Variants in SORCS3 observed in about 807,000 individuals in gnomAD.
The protein encoded by SORCS3 is VPS10 domain-containing receptor SorCS3.
In SORCS3, 57 loss-of-function variants were observed where a neutral mutation model predicts 146.3. That is an observed-to-expected ratio of 0.39 (90% CI 0.31 to 0.49). The LOEUF (loss-of-function observed/expected upper bound fraction) is 0.49. Among genes scored for constraint, SORCS3 ranks in the 20% least tolerant of loss-of-function variants. The pLI, the probability that SORCS3 is intolerant of heterozygous loss-of-function variation, is 0.92. For synonymous variants in SORCS3, 653 were observed against 618.5 expected (o/e 1.06, Z -0.83); for missense variants, 1,341 against 1,575.5 (o/e 0.85, Z 2.52).
At chr10:105,048,358 A>G (rs1260065996) in intron 5 of SORCS3, among the ~76,000 whole-genome samples, 1 of 150,832 alleles carries the variant, frequency 6.6e-6, no homozygotes, top group Non-Finnish European at 1.5e-5. Context: ...GCAGCCATAA[A>G]AAATGATGAA....
chr10:105,124,198 C>T (rs1022931733), intron 7 of SORCS3, among the ~76,000 whole-genome samples: 3 of 152,124 alleles, frequency 2.0e-5, no homozygotes, highest in Non-Finnish European at 2.9e-5. Flanking sequence ...GCTCCACAGC[C>T]CAAGCTGCTG....
At chr10:104,856,149 C>T (rs1320481843) in intron 2 of SORCS3, among the ~76,000 whole-genome samples, 1 of 152,116 alleles carries the variant, frequency 6.6e-6, no homozygotes, top group Non-Finnish European at 1.5e-5. Context: ...TGGCTCTACT[C>T]AGACCCTGTA....
chr10:105,113,478 G>A (rs922905658), intron 7 of SORCS3, among the ~76,000 whole-genome samples: 1 of 151,838 alleles, frequency 6.6e-6, no homozygotes, highest in African/African-American at 2.4e-5. Context: ...CCCTCTCCTG[G>A]TTGCCCCTAT....
intron 23 of SORCS3, among the ~76,000 whole-genome samples, chr10:105,253,451 G>C (rs974675300): frequency 6.6e-6 from 1 of 152,164 alleles, no homozygotes; most frequent in Non-Finnish European, 1.5e-5. Context: ...GTGATTTACT[G>C]TTCTTATCAA....
At chr10:104,978,320 C>T (rs2054913016) in intron 4 of SORCS3, among the ~76,000 whole-genome samples, 1 of 152,090 alleles carries the variant, frequency 6.6e-6, no homozygotes, top group South Asian at 2.1e-4. Context: ...CAAACAAAGT[C>T]CATTTTGTTA....
At chr10:104,887,985 A>C (rs2018708598) in intron 2 of SORCS3, among the ~76,000 whole-genome samples, 1 of 148,554 alleles carries the variant, frequency 6.7e-6, no homozygotes, top group East Asian at 2.0e-4. Flanking sequence ...GAGCAAGCCC[A>C]TGAAGACAGC....
intron 5 of SORCS3, among the ~76,000 whole-genome samples, chr10:105,065,470 C>A (rs137964823): frequency 6.6e-6 from 1 of 151,858 alleles, no homozygotes; most frequent in Non-Finnish European, 1.5e-5. Flanking sequence ...CTGCACACGA[C>A]GACCTCTGAG....
At chr10:104,909,311 G>A (rs2018941876) in intron 2 of SORCS3, among the ~76,000 whole-genome samples, 1 of 152,170 alleles carries the variant, frequency 6.6e-6, no homozygotes, top group Admixed American at 6.5e-5. Flanking sequence ...GCAAAGCACA[G>A]TGTGCCTAGC....
intron 3 of SORCS3, among the ~76,000 whole-genome samples, chr10:104,917,299 C>T (rs774644233): frequency 4.6e-5 from 7 of 152,098 alleles, no homozygotes; most frequent in Admixed American, 6.5e-5. Context: ...GATTTTAGAG[C>T]TAGAAGAAAG....
intron 1 of SORCS3, among the ~76,000 whole-genome samples, chr10:104,789,347 GA>G (rs933267230): frequency 3.3e-5 from 5 of 152,218 alleles, no homozygotes; most frequent in Non-Finnish European, 5.9e-5. Flanking sequence ...TCTATGGGAG[GA>G]AAATTGACCG....
At position 105,105,378 on chromosome 10, in the gene SORCS3, C is replaced by T. The variant is rs199748890; in HGVS notation, c.1094-19C>T. On this transcript the variant is annotated intron_variant, in intron 6 of 26. Transcript: ENST00000369701. Reference sequence around the variant, plus strand: ...GATTTTCACTTGTATCTAAGCATCACTCTACCCTCCTGTTTCAGATGCTCA... The same window carrying T: ...GATTTTCACTTGTATCTAAGCATCATTCTACCCTCCTGTTTCAGATGCTCA... The T allele has an allele frequency of 1.2e-5, 19 of 1,551,408 alleles. No individual in the cohort carries two copies. The highest frequency in any genetic ancestry group is 1.7e-4 in the Middle Eastern group (1 of 5,962).
At chr10:105,164,814 G>A (rs535959810) in intron 12 of SORCS3, among the ~76,000 whole-genome samples, 1 of 152,314 alleles carries the variant, frequency 6.6e-6, no homozygotes, top group East Asian at 1.9e-4. Context: ...GAAGTCAGTG[G>A]TTGTTTAAGT....
chr10:105,003,602 A>G (rs2055074438), intron 4 of SORCS3, among the ~76,000 whole-genome samples: 1 of 152,246 alleles, frequency 6.6e-6, no homozygotes. Context: ...ATAAATATGC[A>G]GAGCAAGGTG....
chr10:105,098,665 TC>T (rs1485277182), intron 6 of SORCS3, among the ~76,000 whole-genome samples: 26 of 152,276 alleles, frequency 1.7e-4, no homozygotes, highest in African/African-American at 5.8e-4. Context: ...TAATTGTAAC[TC>T]CCTGGGTTGT....
intron 1 of SORCS3, among the ~76,000 whole-genome samples, chr10:104,721,719 A>G (rs1415362861): frequency 1.3e-5 from 2 of 151,816 alleles, no homozygotes; most frequent in African/African-American, 4.8e-5. Flanking sequence ...ATTCCTAGGT[A>G]TTTTATCCTC....
At chr10:105,242,434 A>ATTTG (rs1289775906) in intron 20 of SORCS3, among the ~76,000 whole-genome samples, 1 of 52,052 alleles carries the variant, frequency 1.9e-5, no homozygotes, top group Non-Finnish European at 3.6e-5. Context: ...ATATTTATAC[A>ATTTG]TATATTTATA....
chr10:105,118,005 A>T (rs1034876034), intron 7 of SORCS3, among the ~76,000 whole-genome samples: 1 of 151,468 alleles, frequency 6.6e-6, no homozygotes, highest in African/African-American at 2.4e-5. Context: ...TCCTCTGCCC[A>T]CTCTTTAAAT....
intron 2 of SORCS3, among the ~76,000 whole-genome samples, chr10:104,844,313 A>AT (rs2018180092): frequency 6.6e-6 from 1 of 152,138 alleles, no homozygotes; most frequent in African/African-American, 2.4e-5. Flanking sequence ...TTTAAGCCTC[A>AT]TTCCTGTGGT....
chr10:104,826,637 G>T (rs1472113545), intron 1 of SORCS3, among the ~76,000 whole-genome samples: 2 of 152,108 alleles, frequency 1.3e-5, no homozygotes, highest in African/African-American at 2.4e-5. Flanking sequence ...GCTGGTAGAG[G>T]GTCTTGCCTC....
Sources: gnomAD v4.1 joint callset for allele counts (sites outside exome capture counted in the v4.1 genomes callset) on GRCh38, gnomAD v4.1.1 for gene constraint, MANE v1.5 for transcripts, NCBI Gene and HGNC (gene_info 2026-07-23, HGNC 2026-07-21) for gene names.